The following GPR55 variants were observed in gnomAD, a reference collection of about 807,000 sequenced individuals.
GPR55 encodes the protein G protein-coupled receptor 55.
Under a neutral mutation model 7.9 loss-of-function variants are expected in GPR55, and 6 were observed. The observed-to-expected ratio is 0.76, with a 90% CI of 0.41 to 1.49. GPR55 has a LOEUF of 1.49. Ranked by LOEUF, GPR55 falls within the 40% of genes most tolerant of loss-of-function variation. The pLI is 0.01. For synonymous variants in GPR55, 183 were observed against 166.8 expected, an observed-to-expected ratio of 1.10 and a Z score of -0.75; for missense variants, 376 against 406.0, an observed-to-expected ratio of 0.93 and a Z score of 0.63.
chr2:230,921,990 G>A (rs1690848377), intron 1 of GPR55, among the ~76,000 whole-genome samples: 2 of 152,168 alleles, frequency 1.3e-5, no homozygotes, highest in South Asian at 2.1e-4. Context: ...AACCTATCTC[G>A]CAGCCAGAGT....
chr2:230,933,802 G>C (rs1223830964), intron 1 of GPR55, among the ~76,000 whole-genome samples: 2 of 152,206 alleles, frequency 1.3e-5, no homozygotes, highest in Non-Finnish European at 2.9e-5. Context: ...GCCTGGGTGG[G>C]GGCAGTGACA....
intron 1 of GPR55, among the ~76,000 whole-genome samples, chr2:230,950,076 C>T (rs1251695673): frequency 6.6e-6 from 1 of 152,232 alleles, no homozygotes; most frequent in Non-Finnish European, 1.5e-5. Flanking sequence ...GATCCACCCT[C>T]TCGGCCTCCC....
At chr2:230,929,709 G>C (rs1444978829), upstream of GPR55, 1 of 152,204 alleles carries the variant, frequency 6.6e-6, no homozygotes, top group Non-Finnish European at 1.5e-5. Flanking sequence ...CAAATGCAAT[G>C]GTTGTCTTAT....
chr2:230,919,888 GCTGA>G (rs1161600188), intron 1 of GPR55, among the ~76,000 whole-genome samples: 6 of 151,572 alleles, frequency 4.0e-5, no homozygotes, highest in South Asian at 2.1e-4. Context: ...TTATGTTTAT[GCTGA>G]CTATGTTGAG....
intron 1 of GPR55, among the ~76,000 whole-genome samples, chr2:230,917,410 A>T (rs1300173963): frequency 6.6e-6 from 1 of 152,262 alleles, no homozygotes; most frequent in Non-Finnish European, 1.5e-5. Context: ...AACACTTGCC[A>T]AAAATGAATT....
rs1291237718 is a variant in GPR55 at position 230,910,306 on chromosome 2, C to T, written c.657G>A (p.Val219=). 1 of 1,614,022 alleles carries T rather than the reference C, an allele frequency of 6.2e-7. No homozygotes were observed. Among genetic ancestry groups the T allele is most frequent in the Non-Finnish European group, 8.5e-7 (1 of 1,179,972 alleles). ...LGRRDHTQDW[V]QQKACIYSIA... is the part of the protein sequence containing the mutation. ...TGCTGTAGATGCAGGCTTTCTGCTG[C>T]ACCCAGTCCTGGGTGTGGTCTCGGC... Residue 219 remains valine (V), a synonymous_variant, in exon 2 of 2, where the codon GTG becomes GTA. Transcript: ENST00000650999. This position sits in a 1 kb window ranked among gnomAD's most constrained non-coding sequence, Gnocchi z 5.4.
chr2:230,943,948 AT>A (rs771806252), intron 1 of GPR55, among the ~76,000 whole-genome samples: 2 of 152,240 alleles, frequency 1.3e-5, no homozygotes, highest in Non-Finnish European at 1.5e-5. Flanking sequence ...TTCTTTATAA[AT>A]TATCCAGCCT....
intron 1 of GPR55, among the ~76,000 whole-genome samples, chr2:230,937,088 C>A (rs114368120): frequency 6.6e-6 from 1 of 151,996 alleles, no homozygotes; most frequent in Non-Finnish European, 1.5e-5. Flanking sequence ...TTGGGCTGTA[C>A]GACTGGAAAC....
At chr2:230,911,893 A>G (rs995702630) in intron 1 of GPR55, among the ~76,000 whole-genome samples, 1 of 152,154 alleles carries the variant, frequency 6.6e-6, no homozygotes, top group East Asian at 1.9e-4. Context: ...AGCCTGGTCA[A>G]TTTGGGGTGA....
intron 1 of GPR55, among the ~76,000 whole-genome samples, chr2:230,949,332 T>C (rs957663279): frequency 4.6e-5 from 7 of 152,232 alleles, no homozygotes; most frequent in Non-Finnish European, 8.8e-5. Context: ...CCCAGATAAT[T>C]TTTGTATTTT....
intron 1 of GPR55, among the ~76,000 whole-genome samples, chr2:230,947,183 A>G (rs1691331134): frequency 6.6e-6 from 1 of 152,144 alleles, no homozygotes; most frequent in Admixed American, 6.5e-5. Context: ...GGCTGCCAAC[A>G]ACCCAGTTTG....
At chr2:230,937,495 G>T (rs1691150004) in intron 1 of GPR55, among the ~76,000 whole-genome samples, 1 of 97,432 alleles carries the variant, frequency 1.0e-5, no homozygotes, top group South Asian at 3.1e-4. Flanking sequence ...TAAAAACCCT[G>T]CCCTACCCCA....
chr2:230,958,540 C>T (rs1290447734), intron 1 of GPR55, among the ~76,000 whole-genome samples: 1 of 152,128 alleles, frequency 6.6e-6, no homozygotes, highest in Non-Finnish European at 1.5e-5. Flanking sequence ...TCTGACAGTG[C>T]CCCCACCCCT....
At chr2:230,957,582 G>A in intron 1 of GPR55, 1 of 419,696 alleles carries the variant, frequency 2.4e-6, no homozygotes, top group Non-Finnish European at 4.8e-6. Flanking sequence ...TGGAGGCGGG[G>A]AGTCGTCCCC....
intron 1 of GPR55, among the ~76,000 whole-genome samples, chr2:230,941,426 C>CG (rs1415683064): frequency 6.6e-6 from 1 of 152,252 alleles, no homozygotes; most frequent in Non-Finnish European, 1.5e-5. Context: ...CCCCCGCTCC[C>CG]AGACCCAGGA....
chr2:230,909,954 C>G lies in GPR55; in HGVS notation c.*49G>C. 6.4e-7 allele frequency: 1 copy of G among 1,561,312 alleles called. No individual in the cohort carries two copies. The highest frequency in any genetic ancestry group is 8.7e-7 in the Non-Finnish European group (1 of 1,149,438). Reference sequence around the variant, plus strand: ...AAACCCTGGAACGCGATATCCGTTACCAGAATTCAGGGCCAGGGCTTTCTT... The same window carrying G: ...AAACCCTGGAACGCGATATCCGTTAGCAGAATTCAGGGCCAGGGCTTTCTT... On this transcript the variant is annotated 3_prime_UTR_variant, in exon 2 of 2. Coordinates refer to ENST00000650999, the MANE Select transcript of GPR55 (RefSeq NM_005683.4).
At chr2:230,941,983 G>T (rs1223015506) in intron 1 of GPR55, among the ~76,000 whole-genome samples, 1 of 152,134 alleles carries the variant, frequency 6.6e-6, no homozygotes, top group Non-Finnish European at 1.5e-5. Flanking sequence ...GACATTCTGG[G>T]ATCCAGAGTG....
intron 1 of GPR55, among the ~76,000 whole-genome samples, chr2:230,912,048 G>A (rs13432538): frequency 0.3 from 44,988 of 151,970 alleles, 9,346 homozygotes; most frequent in African/African-American, 0.6. Flanking sequence ...CCACTTGCCC[G>A]CCTCTGCCCA....
chr2:230,921,158 C>T (rs1228458809), intron 1 of GPR55, among the ~76,000 whole-genome samples: 1 of 151,958 alleles, frequency 6.6e-6, no homozygotes, highest in Non-Finnish European at 1.5e-5. Flanking sequence ...TTCCAATTAG[C>T]ACAGCAAACA....
Sources: allele counts gnomAD v4.1 joint callset (sites outside exome capture counted in the v4.1 genomes callset), GRCh38; gene constraint gnomAD v4.1.1; non-coding constraint Gnocchi (gnomAD v3.1); transcripts MANE v1.5; gene names NCBI Gene and HGNC (gene_info 2026-07-23, HGNC 2026-07-21).